SBNO1: variants seen among roughly 807,000 people sequenced by gnomAD.
The protein encoded by SBNO1 is strawberry notch homolog 1.
Under a neutral mutation model 173.6 loss-of-function variants are expected in SBNO1, and 23 were observed. That is an observed-to-expected ratio of 0.13 (90% confidence interval 0.10 to 0.19). The LOEUF is 0.19. Among genes scored for constraint, SBNO1 ranks in the 10% least tolerant of loss-of-function variants. SBNO1 has a pLI of 1.00. For synonymous variants in SBNO1, 632 were observed against 571.5 expected, an observed-to-expected ratio of 1.11 and a Z score of -1.51; for missense variants, 1,238 against 1,671.2, an observed-to-expected ratio of 0.74 and a Z score of 4.52.
At chr12:123,341,767 A>T (rs1164309942) in intron 4 of SBNO1, among the ~76,000 whole-genome samples, 1 of 151,890 alleles carries the variant, frequency 6.6e-6, no homozygotes, top group Non-Finnish European at 1.5e-5. Flanking sequence ...ACCTCAGGTG[A>T]TCTGCCCACT....
intron 16 of SBNO1, among the ~76,000 whole-genome samples, chr12:123,323,160 C>A (rs1456672314): frequency 1.3e-5 from 2 of 152,192 alleles, no homozygotes; most frequent in Admixed American, 1.3e-4. Context: ...GTGCTTAACA[C>A]ACTGCCAACC....
intron 28 of SBNO1, among the ~76,000 whole-genome samples, chr12:123,307,020 TAAAAAAAAAA>T (rs34105162): frequency 6.2e-5 from 4 of 64,416 alleles, no homozygotes; most frequent in African/African-American, 2.4e-4. Context: ...TCAACTGCAT[TAAAAAAAAAA>T]AAAAAAAAAA....
At chr12:123,317,932 C>T (rs532642596) in intron 20 of SBNO1, among the ~76,000 whole-genome samples, 1 of 152,274 alleles carries the variant, frequency 6.6e-6, no homozygotes, top group Admixed American at 6.5e-5. Context: ...CCTGTACCTA[C>T]AATCTTGAAA....
intron 14 of SBNO1, 22 bp from the exon 15 acceptor site, chr12:123,325,621 T>C (rs1401651985): frequency 7.0e-7 from 1 of 1,426,402 alleles, no homozygotes; most frequent in East Asian, 2.3e-5. Context: ...AGAAAACATG[T>C]TAATTATGAA....
At position 123,290,630 on chromosome 12, in the gene SBNO1, T is replaced by C. The variant is rs1309817118; in HGVS notation, c.*5278A>G. On this transcript the variant is annotated 3_prime_UTR_variant, in exon 32 of 32. Transcript: ENST00000602398. ...TTCAGGGTACCCCAGGGACCAGTGCTGCAATGGGAATCTGCTTGTCTCACC... is the reference window on the plus strand; with the variant it reads ...TTCAGGGTACCCCAGGGACCAGTGCCGCAATGGGAATCTGCTTGTCTCACC... 1 of 152,210 alleles carries C rather than the reference T, an allele frequency of 6.6e-6. No homozygotes were observed. Among genetic ancestry groups the C allele is most frequent in the East Asian group, 1.9e-4 (1 of 5,192 alleles). The allele number at this position is 152,210 out of a possible 1,614,324, so 9.4% of individuals were successfully genotyped here. A position where few individuals can be genotyped will look rare whatever the true frequency, so the allele number is the denominator to read the frequency against.
chr12:123,295,834 T>G lies in SBNO1; in HGVS notation c.*74A>C. On this transcript the variant is annotated 3_prime_UTR_variant, in exon 32 of 32. Transcript: ENST00000602398. ...AAAAAATATATAATTCTTTGGAAAC[T>G]GTCCCTGATTTTTATGCAAATGATA... 1 of 1,549,412 alleles carries G rather than the reference T, an allele frequency of 6.5e-7. No individual in the cohort carries two copies. The highest frequency in any genetic ancestry group is 8.7e-7 in the Non-Finnish European group (1 of 1,145,404).
Position 123,290,865 on chromosome 12 carries a change from G to C in SBNO1, c.*5043C>G, listed in dbSNP as rs2048501770. ...CCATTCTCCTGCCTCAGCCTCCTGA[G>C]TAGCTGGGACTACAGGCACCCGCCA... On this transcript the variant is annotated 3_prime_UTR_variant, in exon 32 of 32. Coordinates refer to ENST00000602398, the MANE Select transcript of SBNO1 (RefSeq NM_001167856.3). The C allele has an allele frequency of 6.6e-6, 1 of 151,838 alleles. No homozygotes were observed. The highest frequency in any genetic ancestry group is 2.4e-5 in the African/African-American group (1 of 41,300). 9.4% of individuals were successfully genotyped at this position (151,838 alleles called of 1,614,324 possible). A position where few individuals can be genotyped will look rare whatever the true frequency, so the allele number is the denominator to read the frequency against.
chr12:123,360,827 T>A (rs1352803342), intron 1 of SBNO1, among the ~76,000 whole-genome samples: 1 of 152,142 alleles, frequency 6.6e-6, no homozygotes, highest in Non-Finnish European at 1.5e-5. Context: ...ACTTAAAACC[T>A]ACAGGTTGGG....
At chr12:123,322,309 T>C (rs1275141673) in intron 16 of SBNO1, among the ~76,000 whole-genome samples, 1 of 151,882 alleles carries the variant, frequency 6.6e-6, no homozygotes, top group Non-Finnish European at 1.5e-5. Context: ...TTTTTTTTTT[T>C]TCCCCAGACA....
At chr12:123,311,367 A>G (rs1238972332) in intron 24 of SBNO1, among the ~76,000 whole-genome samples, 1 of 152,118 alleles carries the variant, frequency 6.6e-6, no homozygotes, top group Non-Finnish European at 1.5e-5. Flanking sequence ...TTCATTATAC[A>G]TGTTAAGATT....
At chr12:123,348,311 C>T (rs1873458293) in intron 2 of SBNO1, among the ~76,000 whole-genome samples, 178 bp from the exon 3 acceptor site, 2 of 152,216 alleles carry the variant, frequency 1.3e-5, no homozygotes, top group South Asian at 4.1e-4. Context: ...CAAAACGGTA[C>T]TAACAATTCC....
At chr12:123,364,535 C>T in intron 1 of SBNO1, 166 bp downstream of exon 1, 1 of 983,692 alleles carries the variant, frequency 1.0e-6, no homozygotes, top group African/African-American at 1.7e-5. Flanking sequence ...CCCGAGGGCC[C>T]CGGAGCGCGC....
chr12:123,341,454 T>A (rs1490575809), intron 4 of SBNO1, among the ~76,000 whole-genome samples: 1 of 151,970 alleles, frequency 6.6e-6, no homozygotes, highest in Non-Finnish European at 1.5e-5. Flanking sequence ...TCTAAAAAAA[T>A]AAAAATAAAA....
At chr12:123,296,156 G>T in intron 31 of SBNO1, 106 bp from the exon 32 acceptor site, 10 of 632,856 alleles carry the variant, frequency 1.6e-5, no homozygotes, top group Admixed American at 2.6e-5. Flanking sequence ...TAATGGACAA[G>T]AAGTTCACAC....
At chr12:123,341,480 A>G (rs1215071608) in intron 4 of SBNO1, among the ~76,000 whole-genome samples, 1 of 152,204 alleles carries the variant, frequency 6.6e-6, no homozygotes, top group East Asian at 1.9e-4. Flanking sequence ...AGAAGTTTAC[A>G]TATTTCAAAA....
intron 28 of SBNO1, among the ~76,000 whole-genome samples, chr12:123,307,279 A>G (rs1006380880): frequency 5.3e-5 from 8 of 152,120 alleles, no homozygotes; most frequent in African/African-American, 1.9e-4. Context: ...AAGGATCAGC[A>G]GCTTAGGCCT....
At chr12:123,342,960 T>C (rs191645088) in intron 4 of SBNO1, among the ~76,000 whole-genome samples, 1 of 152,250 alleles carries the variant, frequency 6.6e-6, no homozygotes, top group Non-Finnish European at 1.5e-5. Context: ...AATTAAAGTA[T>C]TAACAGGCCA....
chr12:123,313,526 G>A, intron 24 of SBNO1, 94 bp downstream of exon 24: 1 of 660,652 alleles, frequency 1.5e-6, no homozygotes, highest in South Asian at 2.1e-5. Flanking sequence ...TATGTCCAAA[G>A]AAAAAAACTA....
chr12:123,364,339 G>A lies in SBNO1; in HGVS notation c.-1+362C>T, dbSNP rs1593437405. 5.1e-6 allele frequency: 5 copies of A among 985,518 alleles called. No homozygotes were observed. In the South Asian group the frequency reaches 1.4e-4, roughly 28 times the overall value. The allele number at this position is 985,518 out of a possible 1,614,324, so 61.0% of individuals were successfully genotyped here. A position where few individuals can be genotyped will look rare whatever the true frequency, so the allele number is the denominator to read the frequency against. On this transcript the variant is annotated intron_variant, in intron 1 of 31. Transcript: ENST00000602398. ...CCCGCAGCCCCCGGGTTGTGAGGCG[G>A]AAGCCAAAGGGGCGAACCCAGCGGA...
Sources: gnomAD v4.1 joint callset for allele counts (sites outside exome capture counted in the v4.1 genomes callset) on GRCh38, gnomAD v4.1.1 for gene constraint, MANE v1.5 for transcripts, NCBI Gene and HGNC (gene_info 2026-07-23, HGNC 2026-07-21) for gene names.